Variants in ZMYND11 observed in about 807,000 individuals in gnomAD.
ZMYND11 encodes the protein zinc finger MYND-type containing 11.
ZMYND11 carries 9 observed loss-of-function variants against 84.9 expected under a neutral mutation model. That is an observed-to-expected ratio of 0.11 (90% CI 0.06 to 0.18). ZMYND11 has a LOEUF of 0.18. Ranked by LOEUF, ZMYND11 falls within the 10% of genes least tolerant of loss-of-function variation. ZMYND11 has a pLI of 1.00. For missense variants in ZMYND11, 409 were observed against 761.0 expected (o/e 0.54, Z 5.44); for synonymous variants, 250 against 244.1 (o/e 1.02, Z -0.23).
chr10:197,752 T>C (rs1192278182), intron 2 of ZMYND11, among the ~76,000 whole-genome samples: 1 of 152,246 alleles, frequency 6.6e-6, no homozygotes, highest in Non-Finnish European at 1.5e-5. Flanking sequence ...TAGTCCTATG[T>C]CTTGAGAAGT....
intron 1 of ZMYND11, among the ~76,000 whole-genome samples, chr10:158,629 C>T (rs1245129931): frequency 6.7e-6 from 1 of 150,298 alleles, no homozygotes; most frequent in Non-Finnish European, 1.5e-5. Context: ...CCATGTTGGC[C>T]AGGCTGGTCT....
intron 13 of ZMYND11, 65 bp from the exon 14 acceptor site, chr10:248,821 GTTGTGTTAAGTTTCTGT>G: frequency 6.7e-7 from 1 of 1,501,478 alleles, no homozygotes; most frequent in Non-Finnish European, 8.9e-7. Context: ...CCTCATGCAA[GTTGTGTTAAGTTTCTGT>G]TCCAGTGTAG....
intron 7 of ZMYND11, 105 bp from the exon 8 acceptor site, chr10:239,942 TTTTGGTTTG>T (rs1237972253): frequency 3.8e-6 from 3 of 791,394 alleles, no homozygotes; most frequent in Admixed American, 5.6e-5. Context: ...TAAATGGACA[TTTTGGTTTG>T]AAATGGTAGA....
At chr10:241,276 C>T (rs1950851823) in intron 9 of ZMYND11, among the ~76,000 whole-genome samples, 1 of 152,126 alleles carries the variant, frequency 6.6e-6, no homozygotes, top group South Asian at 2.1e-4. Flanking sequence ...CCTCCAGGCT[C>T]AAGTGATTCT....
intron 4 of ZMYND11, among the ~76,000 whole-genome samples, chr10:232,484 C>T (rs908328309): frequency 9.2e-5 from 14 of 152,288 alleles, no homozygotes; most frequent in African/African-American, 2.9e-4. Context: ...TTGGTTCTGT[C>T]GAGAGTCCTC....
intron 1 of ZMYND11, among the ~76,000 whole-genome samples, chr10:164,772 G>T (rs1282859339): frequency 1.3e-5 from 2 of 152,110 alleles, no homozygotes; most frequent in Non-Finnish European, 2.9e-5. Flanking sequence ...GTGTATGTGT[G>T]TTGGAGAGGT....
chr10:209,767 C>G, intron 2 of ZMYND11, 122 bp from the exon 3 acceptor site: 1 of 907,030 alleles, frequency 1.1e-6, no homozygotes, highest in Non-Finnish European at 1.6e-6. Context: ...TGTTCTTTAT[C>G]TCAACAGGAC....
At chr10:249,676 A>G in intron 14 of ZMYND11, 1 of 985,420 alleles carries the variant, frequency 1.0e-6, no homozygotes, top group Non-Finnish European at 1.2e-6. Context: ...ACAGGGTCCA[A>G]GTGCTCGTCC....
intron 2 of ZMYND11, among the ~76,000 whole-genome samples, chr10:181,730 T>C (rs1588707402): frequency 2.0e-5 from 3 of 152,274 alleles, no homozygotes; most frequent in Admixed American, 2.0e-4. Context: ...TGTGGTATTT[T>C]AAAGCTATGT....
chr10:136,009 G>A (rs970546956), intron 1 of ZMYND11, among the ~76,000 whole-genome samples: 1 of 151,476 alleles, frequency 6.6e-6, no homozygotes, highest in African/African-American at 2.4e-5. Flanking sequence ...GGGCGGAGAG[G>A]AAGCGTTTGT....
At chr10:230,848 A>G (rs778485663) in intron 4 of ZMYND11, among the ~76,000 whole-genome samples, 76 of 152,158 alleles carry the variant, frequency 5.0e-4, no homozygotes, top group Non-Finnish European at 9.0e-4. Context: ...CACCAGTTCA[A>G]TTCAACTGAT....
intron 2 of ZMYND11, among the ~76,000 whole-genome samples, chr10:183,503 G>C (rs772095982): frequency 6.6e-5 from 10 of 152,092 alleles, no homozygotes; most frequent in African/African-American, 9.7e-5. Context: ...AACTCATTAA[G>C]GACTGCCAAA....
chr10:147,779 A>G (rs1203668163), intron 1 of ZMYND11: 1 of 151,876 alleles, frequency 6.6e-6, no homozygotes, highest in Non-Finnish European at 1.5e-5. Flanking sequence ...CACAGATATA[A>G]CTATAATCAC....
chr10:248,765 T>G, intron 13 of ZMYND11, 138 bp from the exon 14 acceptor site: 2 of 1,391,396 alleles, frequency 1.4e-6, no homozygotes, highest in Non-Finnish European at 1.9e-6. Context: ...AATGATACTT[T>G]CCTCACCTAA....
intron 1 of ZMYND11, among the ~76,000 whole-genome samples, chr10:170,784 G>T (rs782784684): frequency 6.6e-6 from 1 of 151,998 alleles, no homozygotes; most frequent in Non-Finnish European, 1.5e-5. Flanking sequence ...ACAGAAATAA[G>T]AATAACAAAG....
At chr10:249,792 T>G (rs1284615100) in intron 14 of ZMYND11, 1 of 973,014 alleles carries the variant, frequency 1.0e-6, no homozygotes, top group East Asian at 1.1e-4. Context: ...TGTGATAAAC[T>G]AATTCTTCAT....
At chr10:215,472 G>T (rs1398862387) in intron 3 of ZMYND11, among the ~76,000 whole-genome samples, 1 of 152,002 alleles carries the variant, frequency 6.6e-6, no homozygotes, top group Non-Finnish European at 1.5e-5. Flanking sequence ...TCCTTCTACC[G>T]GTATGTTTTG....
intron 2 of ZMYND11, among the ~76,000 whole-genome samples, chr10:198,257 C>T (rs1015378480): frequency 3.3e-5 from 5 of 151,908 alleles, no homozygotes; most frequent in Admixed American, 3.3e-4. Flanking sequence ...AGGTCTCTAC[C>T]TAGCTTTAAA....
intron 10 of ZMYND11, among the ~76,000 whole-genome samples, chr10:245,487 T>C (rs953923159): frequency 5.3e-5 from 8 of 152,186 alleles, no homozygotes; most frequent in Non-Finnish European, 8.8e-5. Context: ...TATATACTTA[T>C]AGCAGGAAAA....
Sources: allele counts gnomAD v4.1 joint callset (sites outside exome capture counted in the v4.1 genomes callset), GRCh38; gene constraint gnomAD v4.1.1; transcripts MANE v1.5; gene names NCBI Gene and HGNC (gene_info 2026-07-23, HGNC 2026-07-21).